Variants in SLC24A3 observed in about 807,000 individuals in gnomAD.
The protein encoded by SLC24A3 is solute carrier family 24 member 3.
In SLC24A3, 28 loss-of-function variants were observed where a neutral mutation model predicts 75.8. The ratio of observed to expected loss-of-function variants is 0.37; its 90% CI spans 0.27 to 0.51. The LOEUF is 0.51. Among genes scored for constraint, SLC24A3 ranks in the 20% least tolerant of loss-of-function variants. SLC24A3 has a pLI of 0.94. For synonymous variants in SLC24A3, 372 were observed against 334.1 expected (o/e 1.11, Z -1.24); for missense variants, 663 against 847.8 (o/e 0.78, Z 2.71).
chr20:19,576,795 G>A (rs2031142296), intron 3 of SLC24A3, among the ~76,000 whole-genome samples: 1 of 152,154 alleles, frequency 6.6e-6, no homozygotes. Context: ...GGACTTCTAG[G>A]CAGTGTTGGC....
rs1172585944 is a variant in SLC24A3 at position 19,524,077 on chromosome 20, C to G, written c.348+8513C>G. 3.9e-5 allele frequency among the ~76,000 whole-genome samples: 6 copies of G among 152,230 alleles called. No individual in the cohort carries two copies. The South Asian group carries it at 1.2e-3, about 32-fold the overall frequency. ...GGGCTAACAGAAACACATGTTCTAG[C>G]CTGCCCCCGAAAGTACCCCCAAAGG... On this transcript the variant is annotated intron_variant, in intron 3 of 16. Coordinates refer to ENST00000328041, the MANE Select transcript of SLC24A3 (RefSeq NM_020689.4).
chr20:19,388,083 C>G (rs911529906), intron 2 of SLC24A3, among the ~76,000 whole-genome samples: 23 of 152,026 alleles, frequency 1.5e-4, no homozygotes, highest in African/African-American at 5.6e-4. Flanking sequence ...AGCTTTTATC[C>G]TTTGTATTAC....
At chr20:19,221,949 C>A (rs748985006) in intron 1 of SLC24A3, among the ~76,000 whole-genome samples, 6 of 152,096 alleles carry the variant, frequency 3.9e-5, no homozygotes, top group Non-Finnish European at 5.9e-5. Flanking sequence ...TAAGTACTCC[C>A]TTTTCTCTTT....
chr20:19,418,400 A>G (rs763219951), intron 2 of SLC24A3, among the ~76,000 whole-genome samples: 4 of 152,176 alleles, frequency 2.6e-5, no homozygotes, highest in Admixed American at 6.5e-5. Flanking sequence ...GTGCCAACAT[A>G]AAGTTGAGGA....
At chr20:19,684,120 C>T (rs1344458710) in intron 10 of SLC24A3, 56 bp from the exon 11 acceptor site, 1 of 1,570,566 alleles carries the variant, frequency 6.4e-7, no homozygotes, top group Admixed American at 1.7e-5. Context: ...AAATGAATGC[C>T]TCTTTCCTGC....
At chr20:19,294,768 G>A (rs1033158913) in intron 2 of SLC24A3, among the ~76,000 whole-genome samples, 15 of 152,030 alleles carry the variant, frequency 9.9e-5, no homozygotes, top group Non-Finnish European at 2.1e-4. Context: ...TGTCTTTATT[G>A]TAGAATTACT....
intron 2 of SLC24A3, among the ~76,000 whole-genome samples, chr20:19,488,632 G>A (rs1046900090): frequency 1.8e-4 from 27 of 152,150 alleles, no homozygotes; most frequent in African/African-American, 6.0e-4. Flanking sequence ...TTAACAGTGG[G>A]CACAAGTACA....
chr20:19,649,142 G>A (rs576628819), intron 6 of SLC24A3, among the ~76,000 whole-genome samples: 2 of 152,310 alleles, frequency 1.3e-5, no homozygotes, highest in East Asian at 3.9e-4. Context: ...TGGCTTGGGG[G>A]ACACCTGCCA....
At chr20:19,308,269 T>C (rs1462728817) in intron 2 of SLC24A3, among the ~76,000 whole-genome samples, 1 of 152,244 alleles carries the variant, frequency 6.6e-6, no homozygotes, top group African/African-American at 2.4e-5. Context: ...CCAACTTTGA[T>C]GTCACCAACT....
At chr20:19,333,889 G>A (rs1985063646) in intron 2 of SLC24A3, among the ~76,000 whole-genome samples, 1 of 152,120 alleles carries the variant, frequency 6.6e-6, no homozygotes, top group Non-Finnish European at 1.5e-5. Flanking sequence ...GGAATAATGT[G>A]TGAGGTCAAA....
At chr20:19,566,680 ATAAT>A (rs1035862566) in intron 3 of SLC24A3, among the ~76,000 whole-genome samples, 2 of 152,220 alleles carry the variant, frequency 1.3e-5, no homozygotes, top group African/African-American at 4.8e-5. Context: ...TCCTTGGAAA[ATAAT>A]TAATGGACTC....
intron 3 of SLC24A3, among the ~76,000 whole-genome samples, chr20:19,536,031 G>T (rs6112451): frequency 0.73 from 111,009 of 151,902 alleles, 40,937 homozygotes; most frequent in Non-Finnish European, 0.78. Context: ...CCCTCTTAAA[G>T]GTCCCACCTC....
chr20:19,426,190 C>T (rs541309706), intron 2 of SLC24A3, among the ~76,000 whole-genome samples: 1 of 152,338 alleles, frequency 6.6e-6, no homozygotes, highest in South Asian at 2.1e-4. Context: ...CATATCCCTA[C>T]ATTGGTTCTC....
intron 3 of SLC24A3, among the ~76,000 whole-genome samples, chr20:19,574,454 G>A (rs1411550881): frequency 6.6e-6 from 1 of 152,130 alleles, no homozygotes; most frequent in Non-Finnish European, 1.5e-5. Flanking sequence ...TTGGTTCATG[G>A]GTTTTTCTGG....
chr20:19,581,455 C>T (rs2031217181), intron 4 of SLC24A3, among the ~76,000 whole-genome samples: 1 of 152,064 alleles, frequency 6.6e-6, no homozygotes, highest in Non-Finnish European at 1.5e-5. Context: ...CTGTGAATAC[C>T]CATGCCCTTG....
chr20:19,288,194 T>G (rs890658084), intron 2 of SLC24A3, among the ~76,000 whole-genome samples: 28 of 152,234 alleles, frequency 1.8e-4, no homozygotes, highest in African/African-American at 5.8e-4. Flanking sequence ...GGGCTGCGTG[T>G]AGGAGACATA....
rs1160515785 is a variant in SLC24A3, at chr20:19,235,879, A to T, written c.142+22895A>T. On this transcript the variant is annotated intron_variant, in intron 1 of 16. Coordinates refer to ENST00000328041, the MANE Select transcript of SLC24A3 (RefSeq NM_020689.4). ...CAGCCTACCTTGAAGATGAAGAGCC[A>T]GTCTGTAGTCTTCAAGGTCAAGGTG... 2.6e-5 allele frequency among the ~76,000 whole-genome samples: 4 copies of T among 152,234 alleles called. No individual in the cohort carries two copies. The East Asian group carries it at 5.8e-4, about 22-fold the overall frequency.
rs750156992 is a variant in SLC24A3 at position 19,684,237 on chromosome 20, C to T, written c.963C>T (p.His321=). The change falls in exon 11 of 17, where the codon CAC becomes CAT. Residue 321 remains histidine, a synonymous_variant. Coordinates refer to ENST00000328041, the MANE Select transcript of SLC24A3 (RefSeq NM_020689.4). ...ACGAGCTGCTGTCAGCCTACCCACA[C>T]CAGCTTTCCTTCTCTGAGGCTGGCC... is the stretch of plus-strand genomic sequence containing the variant. ...MVDELLSAYP[H]QLSFSEAGLR... 2 of 1,614,172 alleles carry T rather than the reference C, an allele frequency of 1.2e-6. No homozygotes were observed. Among genetic ancestry groups the T allele is most frequent in the Non-Finnish European group, 8.5e-7 (1 of 1,180,036 alleles).
At chr20:19,719,048 T>G (rs1004408793) in intron 16 of SLC24A3, among the ~76,000 whole-genome samples, 16 of 151,878 alleles carry the variant, frequency 1.1e-4, no homozygotes, top group African/African-American at 3.6e-4. Flanking sequence ...ACCACGAGAG[T>G]GCAGGGTCCT....
Sources: allele counts gnomAD v4.1 joint callset (sites outside exome capture counted in the v4.1 genomes callset), GRCh38; gene constraint gnomAD v4.1.1; transcripts MANE v1.5; gene names NCBI Gene and HGNC (gene_info 2026-07-23, HGNC 2026-07-21).